Variants in GRM7 observed in about 807,000 individuals in gnomAD.
The protein encoded by GRM7 is glutamate metabotropic receptor 7.
A neutral mutation model predicts 84.5 loss-of-function variants in GRM7; 35 were observed. That is an observed-to-expected ratio of 0.41 (90% CI 0.32 to 0.55). The LOEUF is 0.55. Ranked by LOEUF, GRM7 falls within the 20% of genes least tolerant of loss-of-function variation. The pLI, the probability that GRM7 is intolerant of heterozygous loss-of-function variation, is 0.19. For missense variants in GRM7, 1,003 were observed against 1,194.6 expected, an observed-to-expected ratio of 0.84 and a Z score of 2.36; for synonymous variants, 487 against 455.1, an observed-to-expected ratio of 1.07 and a Z score of -0.89.
intron 1 of GRM7, among the ~76,000 whole-genome samples, chr3:7,102,575 T>A (rs899103442): frequency 6.6e-6 from 1 of 151,746 alleles, no homozygotes; most frequent in Non-Finnish European, 1.5e-5. Flanking sequence ...GCTCCCTGGA[T>A]GTACAAGTCG....
In GRM7 at chr3:7,727,075, C is replaced by T. The variant is rs1022589904; in HGVS notation, c.2699-13282C>T. On this transcript the variant is annotated intron_variant, in intron 9 of 9. Transcript: ENST00000357716. ...GATGCAGTTTTAATTACAGAATACT[C>T]ACAATTTTCAAACATGTCCTTTTGT... 5.9e-5 allele frequency among the ~76,000 whole-genome samples: 9 copies of T among 152,088 alleles called. No individual in the cohort carries two copies. In the East Asian group the frequency reaches 7.7e-4, roughly 13 times the overall value.
intron 2 of GRM7, among the ~76,000 whole-genome samples, chr3:7,150,477 A>G (rs1694250697): frequency 6.6e-6 from 1 of 152,192 alleles, no homozygotes; most frequent in Non-Finnish European, 1.5e-5. Flanking sequence ...GCACATTTTC[A>G]CTAAACTGTC....
In GRM7 at chr3:6,909,940, T is replaced by C. The variant is rs958954544; in HGVS notation, c.519+48033T>C. On this transcript the variant is annotated intron_variant, in intron 1 of 9. Coordinates refer to ENST00000357716, the MANE Select transcript of GRM7 (RefSeq NM_000844.4). ...CTTTAGGGGGCAAATTTATGTCTAA[T>C]TGAGAGCCTTTCTAGATATGATTCC... Among the ~76,000 whole-genome samples the C allele has an allele frequency of 1.6e-4, 24 of 152,228 alleles. No homozygotes were observed. In the South Asian group the frequency reaches 5.0e-3, roughly 32 times the overall value.
intron 8 of GRM7, among the ~76,000 whole-genome samples, chr3:7,632,216 C>T (rs1198438169): frequency 1.3e-5 from 2 of 152,078 alleles, no homozygotes; most frequent in Non-Finnish European, 2.9e-5. Flanking sequence ...TGGGAAGGCA[C>T]TGGACAATTT....
intron 2 of GRM7, among the ~76,000 whole-genome samples, chr3:7,267,486 C>T (rs1241933148): frequency 6.6e-6 from 1 of 152,136 alleles, no homozygotes; most frequent in Non-Finnish European, 1.5e-5. Flanking sequence ...TTTGTGAGGG[C>T]TTAGTTTTGG....
chr3:7,168,986 A>T (rs1478069497), intron 2 of GRM7, among the ~76,000 whole-genome samples: 1 of 152,170 alleles, frequency 6.6e-6, no homozygotes, highest in Admixed American at 6.5e-5. Flanking sequence ...TACACATACT[A>T]TTTTTGTCTA....
At position 7,578,868 on chromosome 3, in the gene GRM7, G is replaced by A. The variant is rs1244923639; in HGVS notation, c.1962G>A (p.Val654=). Residue 654 remains valine (V), a synonymous_variant, in exon 8 of 10, where the codon GTG becomes GTA. Transcript: ENST00000357716. The stretch of plus-strand genomic sequence containing the variant: ...TGATTGCCAAACCAGATGTGGCAGT[G>A]TGTTCTTTCCGGCGAGTTTTCTTGG... The part of the protein sequence containing the change: ...FLMIAKPDVA[V]CSFRRVFLGL... The A allele has an allele frequency of 6.2e-7, 1 of 1,614,136 alleles. No individual in the cohort carries two copies. Among genetic ancestry groups the A allele is most frequent in the South Asian group, 1.1e-5 (1 of 91,076 alleles).
At chr3:7,582,542 A>C (rs2125056323) in intron 8 of GRM7, among the ~76,000 whole-genome samples, 1 of 152,224 alleles carries the variant, frequency 6.6e-6, no homozygotes, top group South Asian at 2.1e-4. Flanking sequence ...AAAAAGAAAA[A>C]GATTGAGGCA....
chr3:6,934,974 A>T (rs1380949407), intron 1 of GRM7, among the ~76,000 whole-genome samples: 2 of 152,230 alleles, frequency 1.3e-5, no homozygotes, highest in Non-Finnish European at 2.9e-5. Flanking sequence ...ACATTTTAGA[A>T]GTTCTGAGAA....
chr3:6,932,724 A>AT (rs1306699514), intron 1 of GRM7, among the ~76,000 whole-genome samples: 1 of 112,068 alleles, frequency 8.9e-6, no homozygotes, highest in East Asian at 2.5e-4. Flanking sequence ...TGTTTTGTTT[A>AT]TTTTTTTAAT....
intron 1 of GRM7, among the ~76,000 whole-genome samples, chr3:7,008,668 C>G (rs1299484042): frequency 6.6e-6 from 1 of 152,194 alleles, no homozygotes; most frequent in African/African-American, 2.4e-5. Context: ...AAGTTTATAT[C>G]TACAATTCCA....
intron 1 of GRM7, among the ~76,000 whole-genome samples, chr3:7,145,608 G>A (rs1448055615): frequency 6.6e-6 from 1 of 152,110 alleles, no homozygotes; most frequent in Non-Finnish European, 1.5e-5. Flanking sequence ...AGCAGATGAG[G>A]GAGATAATGT....
chr3:6,990,052 A>C (rs1458183709), intron 1 of GRM7, among the ~76,000 whole-genome samples: 1 of 152,162 alleles, frequency 6.6e-6, no homozygotes, highest in Non-Finnish European at 1.5e-5. Context: ...TGAATTACCT[A>C]TATCCCTCCC....
chr3:7,122,224 T>C (rs1033263333), intron 1 of GRM7, among the ~76,000 whole-genome samples: 16 of 152,214 alleles, frequency 1.1e-4, no homozygotes, highest in African/African-American at 3.9e-4. Flanking sequence ...GAAAGGTGGC[T>C]GGTAGCAGCC....
chr3:7,174,220 A>C (rs1695072646), intron 2 of GRM7, among the ~76,000 whole-genome samples: 2 of 152,228 alleles, frequency 1.3e-5, no homozygotes, highest in African/African-American at 4.8e-5. Flanking sequence ...GTGTGGATTC[A>C]TTTGAATACA....
chr3:7,697,415 T>TC (rs972502372), intron 9 of GRM7, among the ~76,000 whole-genome samples: 12 of 152,144 alleles, frequency 7.9e-5, no homozygotes, highest in African/African-American at 2.2e-4. Flanking sequence ...AAGAAAATGA[T>TC]CCAAGGTATT....
chr3:7,134,337 C>T (rs1693701353), intron 1 of GRM7, among the ~76,000 whole-genome samples: 1 of 152,076 alleles, frequency 6.6e-6, no homozygotes, highest in African/African-American at 2.4e-5. Context: ...AAGTGATAGT[C>T]TATCTCTATT....
intron 1 of GRM7, among the ~76,000 whole-genome samples, chr3:7,002,196 G>A (rs2124878615): frequency 6.6e-6 from 1 of 152,242 alleles, no homozygotes; most frequent in South Asian, 2.1e-4. Flanking sequence ...TATTATCTAA[G>A]GGTATAGTGG....
At chr3:6,987,222 C>G (rs568723160) in intron 1 of GRM7, among the ~76,000 whole-genome samples, 2 of 152,278 alleles carry the variant, frequency 1.3e-5, no homozygotes, top group Non-Finnish European at 2.9e-5. Flanking sequence ...CAGGCATGCA[C>G]TGCTTGGCAT....
Sources: allele counts gnomAD v4.1 joint callset (sites outside exome capture counted in the v4.1 genomes callset), GRCh38; gene constraint gnomAD v4.1.1; transcripts MANE v1.5; gene names NCBI Gene and HGNC (gene_info 2026-07-23, HGNC 2026-07-21).